Variants in SLC24A4 observed in about 807,000 individuals in gnomAD.
SLC24A4 encodes the protein sodium/potassium/calcium exchanger 4.
Under a neutral mutation model 79.0 loss-of-function variants are expected in SLC24A4, and 53 were observed. The ratio of observed to expected loss-of-function variants is 0.67; its 90% CI spans 0.54 to 0.84. The LOEUF (loss-of-function observed/expected upper bound fraction) is 0.84. Among genes scored for constraint, SLC24A4 ranks in the 40% least tolerant of loss-of-function variants. The pLI, the probability that SLC24A4 is intolerant of heterozygous loss-of-function variation, is 0.00. For missense variants in SLC24A4, 731 were observed against 822.0 expected (o/e 0.89, Z 1.35); for synonymous variants, 323 against 323.8 (o/e 1.00, Z 0.03).
intron 2 of SLC24A4, among the ~76,000 whole-genome samples, chr14:92,333,679 G>A (rs1405561339): frequency 6.6e-6 from 1 of 152,216 alleles, no homozygotes; most frequent in Non-Finnish European, 1.5e-5. Context: ...TGCAGAGAAA[G>A]GTGCTTCGTA....
intron 2 of SLC24A4, among the ~76,000 whole-genome samples, chr14:92,396,725 C>T (rs943777501): frequency 6.6e-6 from 1 of 152,206 alleles, no homozygotes; most frequent in African/African-American, 2.4e-5. Context: ...TTATACTCTA[C>T]TTTTCCATTT....
chr14:92,423,385 T>A (rs1297814045), intron 2 of SLC24A4, among the ~76,000 whole-genome samples: 7 of 152,190 alleles, frequency 4.6e-5, no homozygotes, highest in Admixed American at 4.6e-4. Flanking sequence ...ACTCAAGCAA[T>A]CTGCCTGCCT....
At position 92,495,254 on chromosome 14, in the gene SLC24A4, T is replaced by C. The variant is rs1008020515; in HGVS notation, c.*1626T>C. ...CCTCCTGAGTTTCAAAAGGAGGAAG[T>C]GTTCGTGCTTGTGTCCCTGAAGTTC... On this transcript the variant is annotated 3_prime_UTR_variant, in exon 17 of 17. Coordinates refer to ENST00000532405, the MANE Select transcript of SLC24A4 (RefSeq NM_153646.4). 11 of 152,272 alleles carry C rather than the reference T, an allele frequency of 7.2e-5. No individual in the cohort carries two copies. The highest frequency in any genetic ancestry group is 2.7e-4 in the African/African-American group (11 of 41,442). The allele number at this position is 152,272 out of a possible 1,614,324, so 9.4% of individuals were successfully genotyped here.
At chr14:92,456,215 A>G (rs985871923) in intron 11 of SLC24A4, among the ~76,000 whole-genome samples, 189 bp from the exon 12 acceptor site, 2 of 152,192 alleles carry the variant, frequency 1.3e-5, no homozygotes, top group East Asian at 1.9e-4. Flanking sequence ...CCTGGTAACC[A>G]TGCAAATGTA....
intron 12 of SLC24A4, among the ~76,000 whole-genome samples, chr14:92,463,197 C>T (rs576987505): frequency 6.6e-6 from 1 of 152,102 alleles, no homozygotes; most frequent in African/African-American, 2.4e-5. Flanking sequence ...CCCCATCCAC[C>T]CCCATCTTCT....
intron 2 of SLC24A4, among the ~76,000 whole-genome samples, chr14:92,383,826 C>T (rs1168489706): frequency 6.6e-6 from 1 of 152,216 alleles, no homozygotes; most frequent in Non-Finnish European, 1.5e-5. Flanking sequence ...CCTGGGGCCT[C>T]TAGCTACAGT....
At chr14:92,327,841 AG>A (rs1245728518) in intron 2 of SLC24A4, among the ~76,000 whole-genome samples, 2 of 152,214 alleles carry the variant, frequency 1.3e-5, no homozygotes, top group Non-Finnish European at 2.9e-5. Flanking sequence ...TGGAAAGGGA[AG>A]TGGAGGGAAC....
At chr14:92,343,359 C>T (rs969282771) in intron 2 of SLC24A4, among the ~76,000 whole-genome samples, 1 of 152,144 alleles carries the variant, frequency 6.6e-6, no homozygotes. Flanking sequence ...GAGTAGCTGG[C>T]AGACAAAGGA....
At chr14:92,372,866 T>TA (rs1888247872) in intron 2 of SLC24A4, among the ~76,000 whole-genome samples, 1 of 138,988 alleles carries the variant, frequency 7.2e-6, no homozygotes, top group Non-Finnish European at 1.5e-5. Flanking sequence ...AGGGTCACTG[T>TA]CCCTTCCTTC....
intron 12 of SLC24A4, among the ~76,000 whole-genome samples, chr14:92,476,994 A>G (rs1894798186): frequency 6.6e-6 from 1 of 152,196 alleles, no homozygotes. Flanking sequence ...GCTATTATAA[A>G]TAATGCTGCT....
intron 2 of SLC24A4, among the ~76,000 whole-genome samples, chr14:92,330,756 C>G (rs772386248): frequency 3.4e-4 from 51 of 152,210 alleles, no homozygotes; most frequent in Non-Finnish European, 1.8e-4. Flanking sequence ...CACACAGTCT[C>G]TCTTTCTCCT....
chr14:92,442,591 C>T (rs529191740), intron 5 of SLC24A4, 122 bp from the exon 6 acceptor site: 40 of 669,616 alleles, frequency 6.0e-5, no homozygotes, highest in African/African-American at 4.5e-4. Context: ...CATTCTCTTC[C>T]GCTTCACGGG....
rs1886979041 is a variant in SLC24A4 at position 92,353,026 on chromosome 14, A to ATCTATTTTGAATTT, written c.241+27049_241+27050insCTATTTTGAATTTT. On this transcript the variant is annotated intron_variant, in intron 2 of 16. Transcript: ENST00000532405. The surrounding 1 kb of genome is among the most constrained non-coding windows in gnomAD (Gnocchi z 4.1). The stretch of plus-strand genomic sequence containing the variant: ...GTCTTTGAATAGATAATGTTTTCAT[A>ATCTATTTTGAATTT]TGATTCAAAATTCAAAAAGCACTGG... Among the ~76,000 whole-genome samples the ATCTATTTTGAATTT allele has an allele frequency of 6.6e-6, 1 of 152,242 alleles. No individual in the cohort carries two copies. The highest frequency in any genetic ancestry group is 1.5e-5 in the Non-Finnish European group (1 of 68,040).
chr14:92,428,346 AG>A (rs1482945659), intron 2 of SLC24A4, among the ~76,000 whole-genome samples: 2 of 152,182 alleles, frequency 1.3e-5, no homozygotes, highest in African/African-American at 2.4e-5. Flanking sequence ...AAGGGGGCCA[AG>A]CTCCTCCAAA....
intron 9 of SLC24A4, 116 bp from the exon 10 acceptor site, chr14:92,448,958 A>AC: frequency 7.9e-7 from 1 of 1,268,048 alleles, no homozygotes; most frequent in Non-Finnish European, 1.1e-6. Flanking sequence ...CTCCCCTGCC[A>AC]CCCACCACTC....
Position 92,443,398 on chromosome 14 carries a change from A to G in SLC24A4, c.583-2A>G. 6.2e-7 allele frequency: 1 copy of G among 1,614,090 alleles called. No individual in the cohort carries two copies. The highest frequency in any genetic ancestry group is 8.5e-7 in the Non-Finnish European group (1 of 1,180,002). Reference sequence around the variant, plus strand: ...CAGCCAACGACGGGGCTCTGCTGGCAGGTGGTCCGTCTGACGTGGTGGGCC... The same window carrying G: ...CAGCCAACGACGGGGCTCTGCTGGCGGGTGGTCCGTCTGACGTGGTGGGCC... On this transcript the variant is annotated splice_acceptor_variant, in intron 6 of 16. Transcript: ENST00000532405. LOFTEE classifies it high-confidence loss of function.
rs192328705 is a variant in SLC24A4 at position 92,329,521 on chromosome 14, T to G, written c.241+3543T>G. ...TCCCTTCCCCCTTTATTACTCTGTG[T>G]TTTTTGTTTGTTTGTTTTTGTTTTG... On this transcript the variant is annotated intron_variant, in intron 2 of 16. Transcript: ENST00000532405. 6.1e-3 allele frequency among the ~76,000 whole-genome samples: 927 copies of G among 152,226 alleles called. 8 individuals carry two copies. The highest frequency in any genetic ancestry group is 0.017 in the South Asian group (82 of 4,816).
At chr14:92,478,562 AT>A (rs899074427) in intron 12 of SLC24A4, among the ~76,000 whole-genome samples, 1 of 151,896 alleles carries the variant, frequency 6.6e-6, no homozygotes, top group African/African-American at 2.4e-5. Flanking sequence ...TCATAATTTT[AT>A]TCCATTCTTC....
chr14:92,395,039 A>G (rs1475913211), intron 2 of SLC24A4, among the ~76,000 whole-genome samples: 2 of 152,200 alleles, frequency 1.3e-5, no homozygotes, highest in African/African-American at 4.8e-5. Context: ...CAGGAAAACA[A>G]GGGGATTCAG....
Sources: allele counts gnomAD v4.1 joint callset (sites outside exome capture counted in the v4.1 genomes callset), GRCh38; gene constraint gnomAD v4.1.1; non-coding constraint Gnocchi (gnomAD v3.1); transcripts MANE v1.5; gene names NCBI Gene and HGNC (gene_info 2026-07-23, HGNC 2026-07-21).